Variants in SPDYE4 observed in about 807,000 individuals in gnomAD.
SPDYE4 encodes speedy/RINGO cell cycle regulator family member E4, also known as speedy protein E4.
In SPDYE4, 30 loss-of-function variants were observed where a neutral mutation model predicts 37.5. That is an observed-to-expected ratio of 0.80 (90% CI 0.60 to 1.09). The LOEUF (loss-of-function observed/expected upper bound fraction) is 1.09. Ranked by LOEUF, SPDYE4 falls within the 50% of genes least tolerant of loss-of-function variation. SPDYE4 has a pLI of 0.00. For missense variants in SPDYE4, 300 were observed against 307.9 expected (o/e 0.97, Z 0.19); for synonymous variants, 131 against 120.3 (o/e 1.09, Z -0.58).
downstream of SPDYE4, among the ~76,000 whole-genome samples, chr17:8,750,249 C>T (rs923455434): frequency 6.6e-6 from 1 of 151,976 alleles, no homozygotes; most frequent in Non-Finnish European, 1.5e-5. Context: ...ATTAGCTGGG[C>T]GTGGTGGCAG....
At chr17:8,754,816 C>A (rs759048068) in intron 4 of SPDYE4, among the ~76,000 whole-genome samples, 1 of 152,136 alleles carries the variant, frequency 6.6e-6, no homozygotes, top group Non-Finnish European at 1.5e-5. Context: ...CACATGTGTG[C>A]AGGACACCCA....
chr17:8,758,158 AG>A, intron 1 of SPDYE4, 115 bp downstream of exon 1: 2 of 845,454 alleles, frequency 2.4e-6, no homozygotes, highest in South Asian at 3.6e-5. Context: ...TGGCTTCCTG[AG>A]TCCGTCGTTT....
intron 4 of SPDYE4, 195 bp downstream of exon 4, chr17:8,755,325 T>G (rs1160796030): frequency 1.4e-6 from 1 of 706,302 alleles, no homozygotes; most frequent in African/African-American, 1.8e-5. Context: ...TGTTTGATTC[T>G]ACTATTTGTC....
At chr17:8,749,651 G>A (rs1258457603), downstream of SPDYE4, among the ~76,000 whole-genome samples, 1 of 152,056 alleles carries the variant, frequency 6.6e-6, no homozygotes, top group African/African-American at 2.4e-5. Context: ...TGCCCACCTG[G>A]GCCTCCCAAA....
rs552529877 is a variant in SPDYE4 at position 8,752,243 on chromosome 17, A to G, written c.*45-6T>C. Among the ~76,000 whole-genome samples the G allele has an allele frequency of 2.0e-5, 3 of 152,300 alleles. No homozygotes were observed. The highest frequency in any genetic ancestry group is 4.1e-4 in the South Asian group (2 of 4,832). On this transcript the variant is annotated splice_region_variant and splice_polypyrimidine_tract_variant and intron_variant, in intron 6 of 6. Coordinates refer to ENST00000689094, the MANE Select transcript of SPDYE4 (RefSeq NM_001394956.1). ...TCTCCCCTGGGCCCAGTGTTCTGGA[A>G]GTGAGAGAGAGGATGTCACACTTCA...
chr17:8,756,804 C>G (rs889323946), intron 2 of SPDYE4, among the ~76,000 whole-genome samples: 3 of 152,140 alleles, frequency 2.0e-5, no homozygotes, highest in African/African-American at 7.2e-5. Context: ...TCCCCCTCCA[C>G]GGATGGAGAC....
rs138621909 is a variant in SPDYE4, at chr17:8,750,868, T to G, written c.*1414A>C. Reference sequence around the variant, plus strand: ...ACAGTCGTTGTGAAGATGAGAAAACTTCATCTTTATTGCATTTTCCCAGGT... The same window carrying G: ...ACAGTCGTTGTGAAGATGAGAAAACGTCATCTTTATTGCATTTTCCCAGGT... On this transcript the variant is annotated 3_prime_UTR_variant, in exon 7 of 7. Transcript: ENST00000689094. 7.2e-3 allele frequency among the ~76,000 whole-genome samples: 1,092 copies of G among 152,320 alleles called. 10 individuals are homozygous for G. Among genetic ancestry groups the G allele is most frequent in the South Asian group, 0.019 (92 of 4,826 alleles).
chr17:8,753,283 C>CCG, intron 5 of SPDYE4, 38 bp downstream of exon 5: 1 of 705,304 alleles, frequency 1.4e-6, no homozygotes, highest in Non-Finnish European at 2.3e-6. Flanking sequence ...TCCACCCCAT[C>CCG]CCTCCCCACC....
intron 5 of SPDYE4, 44 bp downstream of exon 5, chr17:8,753,276 AC>A (rs749429473): frequency 1.2e-5 from 14 of 1,215,014 alleles, no homozygotes; most frequent in African/African-American, 1.6e-5. Context: ...CCTCCAGTCC[AC>A]CCCATCCCTC....
Position 8,757,377 on chromosome 17 carries a change from AGGG to A in SPDYE4, c.222_224del (p.Pro75del). 4.4e-6 allele frequency: 7 copies of A among 1,594,356 alleles called. No homozygotes were observed. The highest frequency in any genetic ancestry group is 6.0e-6 in the Non-Finnish European group (7 of 1,170,134). On this transcript the variant is annotated inframe_deletion, in exon 2 of 7. Transcript: ENST00000689094. Reference sequence around the variant, plus strand: ...CCACCACCCAGGTGTCCTCGGGCTCAGGGGCGCGCTCCAACTCCAGCTCCTCCT... The same window carrying A: ...CCACCACCCAGGTGTCCTCGGGCTCAGCGCGCTCCAACTCCAGCTCCTCCT...
downstream of SPDYE4, among the ~76,000 whole-genome samples, chr17:8,749,420 T>C (rs8078310): frequency 0.82 from 123,929 of 152,060 alleles, 50,727 homozygotes; most frequent in African/African-American, 0.86. Flanking sequence ...CATGCCACTA[T>C]GCCCGGCTAA....
intron 4 of SPDYE4, 129 bp downstream of exon 4, chr17:8,755,390 TC>T (rs1278575225): frequency 8.6e-7 from 1 of 1,161,886 alleles, no homozygotes; most frequent in African/African-American, 1.5e-5. Context: ...CATAGTATAA[TC>T]TTATCGTTTT....
chr17:8,753,361 A>T lies in SPDYE4; in HGVS notation c.614T>A (p.Met205Lys), dbSNP rs765693202. 6.9e-7 allele frequency: 1 copy of T among 1,451,702 alleles called. No individual in the cohort carries two copies. The highest frequency in any genetic ancestry group is 9.2e-7 in the Non-Finnish European group (1 of 1,082,900). 89.9% of individuals were successfully genotyped at this position (1,451,702 alleles called of 1,614,324 possible). Residue 205 changes from methionine to lysine, a missense_variant, in exon 5 of 7, where the codon ATG becomes AAG. Met to Lys is a moderately conservative substitution (Grantham distance 95, BLOSUM62 -1). Coordinates refer to ENST00000689094, the MANE Select transcript of SPDYE4 (RefSeq NM_001394956.1). Reference protein sequence around the residue: ...HKLRYQLLCSMRWRTWVSPEE... With the variant: ...HKLRYQLLCSKRWRTWVSPEE... ...TGGGGAAACCCACGTCCTCCAGCGC[A>T]TGGAACAGAGGAGCTGGTATCGAAG...
At chr17:8,757,047 G>T (rs964260552) in intron 2 of SPDYE4, among the ~76,000 whole-genome samples, 1 of 152,084 alleles carries the variant, frequency 6.6e-6, no homozygotes, top group African/African-American at 2.4e-5. Flanking sequence ...TCAGGCATGA[G>T]CCACTGCACC....
At chr17:8,757,823 C>T (rs2086787290) in intron 1 of SPDYE4, among the ~76,000 whole-genome samples, 1 of 141,726 alleles carries the variant, frequency 7.1e-6, no homozygotes, top group Non-Finnish European at 1.6e-5. Flanking sequence ...CCTCTTGTTG[C>T]CCAGACCGGA....
intron 6 of SPDYE4, among the ~76,000 whole-genome samples, chr17:8,752,815 G>T (rs2086738004): frequency 6.6e-6 from 1 of 152,002 alleles, no homozygotes; most frequent in African/African-American, 2.4e-5. Flanking sequence ...TCTCATTTTT[G>T]AGAAAGAGTG....
chr17:8,750,649 G>A (rs560992059), downstream of SPDYE4, among the ~76,000 whole-genome samples: 116 of 152,320 alleles, frequency 7.6e-4, no homozygotes, highest in Non-Finnish European at 1.3e-4. Flanking sequence ...GGTGGAGCTT[G>A]CAGTGAGCTG....
intron 5 of SPDYE4, 43 bp downstream of exon 5, chr17:8,753,278 C>G (rs373073240): frequency 5.8e-6 from 8 of 1,390,984 alleles, no homozygotes; most frequent in Middle Eastern, 3.8e-4. Context: ...TCCAGTCCAC[C>G]CCATCCCTCC....
chr17:8,756,953 A>G (rs2086777613), intron 2 of SPDYE4, among the ~76,000 whole-genome samples: 1 of 152,118 alleles, frequency 6.6e-6, no homozygotes, highest in African/African-American at 2.4e-5. Context: ...GCTGGAGTGC[A>G]GTGGTGCAAT....
Sources: gnomAD v4.1 joint callset for allele counts (sites outside exome capture counted in the v4.1 genomes callset) on GRCh38, gnomAD v4.1.1 for gene constraint, MANE v1.5 for transcripts, NCBI Gene and HGNC (gene_info 2026-07-23, HGNC 2026-07-21) for gene names.